Variants in EEA1 observed in about 807,000 individuals in gnomAD.
EEA1 encodes the protein early endosome antigen 1, 162kD.
Under a neutral mutation model 209.2 loss-of-function variants are expected in EEA1, and 111 were observed. That is an observed-to-expected ratio of 0.53 (90% CI 0.45 to 0.62). The LOEUF (loss-of-function observed/expected upper bound fraction) is 0.62, where lower values mean the gene tolerates loss of function less well. EEA1 is among the 20% of genes least tolerant of loss of function. The probability of loss-of-function intolerance (pLI) is 0.00; values close to 1 mark genes in which losing one functional copy is unlikely to be tolerated. For missense variants in EEA1, 1,343 were observed against 1,530.8 expected (o/e 0.88, Z 2.05); for synonymous variants, 536 against 540.6 (o/e 0.99, Z 0.12).
intron 17 of EEA1, among the ~76,000 whole-genome samples, chr12:92,810,689 T>C (rs2136674425): frequency 6.6e-6 from 1 of 152,164 alleles, no homozygotes; most frequent in South Asian, 2.1e-4. Flanking sequence ...CAAAGGCAGT[T>C]AAGCAGCAAG....
intron 21 of EEA1, among the ~76,000 whole-genome samples, chr12:92,788,443 T>G (rs1723061342): frequency 6.6e-6 from 1 of 152,114 alleles, no homozygotes; most frequent in African/African-American, 2.4e-5. Flanking sequence ...ATTACTTTGT[T>G]GAAGTATTAA....
intron 9 of EEA1, among the ~76,000 whole-genome samples, chr12:92,845,367 T>C (rs989436073): frequency 2.0e-4 from 30 of 152,276 alleles, no homozygotes; most frequent in African/African-American, 6.5e-4. Flanking sequence ...ATTATGTTTA[T>C]ATTTGGGGAA....
At chr12:92,824,306 T>C (rs893531842) in intron 13 of EEA1, among the ~76,000 whole-genome samples, 1 of 152,212 alleles carries the variant, frequency 6.6e-6, no homozygotes, top group Admixed American at 6.5e-5. Context: ...TGTAGTAGCC[T>C]TTTAGCTAAT....
intron 2 of EEA1, among the ~76,000 whole-genome samples, chr12:92,874,712 T>C (rs1878803426): frequency 6.6e-6 from 1 of 152,260 alleles, no homozygotes; most frequent in East Asian, 1.9e-4. Context: ...CACTTTACTC[T>C]TGTTTTTCAC....
intron 21 of EEA1, among the ~76,000 whole-genome samples, chr12:92,788,741 T>C (rs541206405): frequency 3.3e-5 from 5 of 152,328 alleles, no homozygotes; most frequent in Admixed American, 2.6e-4. Flanking sequence ...TCCAAAATCC[T>C]ATATTCTTAT....
Position 92,909,926 on chromosome 12 carries a change from G to A in EEA1, c.25-18205C>T, listed in dbSNP as rs192328925. ...GGGAGACCGAGAAGGGTAGATCACC[G>A]GAGGTCAGGAGTTTGAGACCAGCCT... On this transcript the variant is annotated intron_variant, in intron 1 of 28. Coordinates refer to ENST00000322349, the MANE Select transcript of EEA1 (RefSeq NM_003566.4). 1.4e-4 allele frequency among the ~76,000 whole-genome samples: 21 copies of A among 151,422 alleles called. No individual in the cohort carries two copies. In the East Asian group the frequency reaches 2.6e-3, roughly 18 times the overall value.
intron 21 of EEA1, among the ~76,000 whole-genome samples, chr12:92,788,890 C>T (rs1449723225): frequency 3.3e-5 from 5 of 152,120 alleles, no homozygotes; most frequent in African/African-American, 9.7e-5. Flanking sequence ...GTGATAACTT[C>T]TCAAAATCTT....
chr12:92,864,156 A>C (rs1453511869), intron 3 of EEA1, among the ~76,000 whole-genome samples: 1 of 152,162 alleles, frequency 6.6e-6, no homozygotes, highest in Non-Finnish European at 1.5e-5. Context: ...ATCAACCACA[A>C]AGTTTATATG....
chr12:92,917,630 T>C (rs1278360340), intron 1 of EEA1, among the ~76,000 whole-genome samples: 2 of 150,822 alleles, frequency 1.3e-5, no homozygotes, highest in Admixed American at 6.6e-5. Context: ...GTACCAGCCA[T>C]TGCAAAATCA....
At chr12:92,821,793 C>T (rs1032980313) in intron 13 of EEA1, among the ~76,000 whole-genome samples, 18 of 150,122 alleles carry the variant, frequency 1.2e-4, no homozygotes, top group Admixed American at 1.2e-3. Context: ...TCTTTATTTT[C>T]CAAAAATAAT....
At chr12:92,781,037 A>C (rs1052754266) in intron 23 of EEA1, among the ~76,000 whole-genome samples, 2 of 152,164 alleles carry the variant, frequency 1.3e-5, no homozygotes, top group African/African-American at 4.8e-5. Flanking sequence ...CGGTCTCCCG[A>C]GTAGGTGGGA....
chr12:92,781,947 T>G lies in EEA1; in HGVS notation c.3336+3A>C. ...GTAGATTTAGGTCAGAAACATGCAATACCTTTTCTTTCTGAATGTCTTGTA... is the reference window on the plus strand; with the variant it reads ...GTAGATTTAGGTCAGAAACATGCAAGACCTTTTCTTTCTGAATGTCTTGTA... On this transcript the variant is annotated splice_donor_region_variant and intron_variant, in intron 23 of 28. Transcript: ENST00000322349. 1 of 1,603,284 alleles carries G rather than the reference T, an allele frequency of 6.2e-7. No individual in the cohort carries two copies. The highest frequency in any genetic ancestry group is 8.5e-7 in the Non-Finnish European group (1 of 1,173,950).
chr12:92,857,535 C>T (rs114169104), intron 3 of EEA1, 50 bp from the exon 4 acceptor site: 67,864 of 1,230,522 alleles, frequency 0.055, 2,178 homozygotes, highest in Non-Finnish European at 0.062. Context: ...CTTTAATTAA[C>T]AAACTGGTCT....
At chr12:92,908,566 G>A (rs1386011315) in intron 1 of EEA1, among the ~76,000 whole-genome samples, 2 of 151,868 alleles carry the variant, frequency 1.3e-5, no homozygotes, top group Middle Eastern at 3.4e-3. Flanking sequence ...AGAATGCAGA[G>A]TTTCTACTAC....
intron 3 of EEA1, among the ~76,000 whole-genome samples, chr12:92,863,943 A>C (rs1174102290): frequency 8.5e-5 from 13 of 152,220 alleles, no homozygotes. Flanking sequence ...GAACATTTAT[A>C]ATATAATTTA....
At position 92,806,968 on chromosome 12, in the gene EEA1, C is replaced by T. The variant is rs138363322; in HGVS notation, c.2339+2049G>A. ...TTTTTTTTTTTTTGAGACGGAGTCT[C>T]GCTCTGTCGCCCAGGTTGGAGTGCA... On this transcript the variant is annotated intron_variant, in intron 18 of 28. Coordinates refer to ENST00000322349, the MANE Select transcript of EEA1 (RefSeq NM_003566.4). Among the ~76,000 whole-genome samples the T allele has an allele frequency of 5.8e-4, 87 of 149,290 alleles. No homozygotes were observed. The East Asian group carries it at 0.01, about 18-fold the overall frequency.
intron 1 of EEA1, among the ~76,000 whole-genome samples, chr12:92,898,959 A>G (rs1378018126): frequency 2.6e-5 from 4 of 151,296 alleles, no homozygotes; most frequent in African/African-American, 9.7e-5. Flanking sequence ...TGAGTGAAAA[A>G]AAAAAAAAAA....
At chr12:92,854,023 G>GT (rs1877754375) in intron 5 of EEA1, 69 bp from the exon 6 acceptor site, 2 of 1,234,034 alleles carry the variant, frequency 1.6e-6, no homozygotes, top group Non-Finnish European at 1.1e-6. Flanking sequence ...AATGGTCAAT[G>GT]TTAAAAAATC....
At chr12:92,837,549 A>G (rs531184414) in intron 10 of EEA1, among the ~76,000 whole-genome samples, 1 of 152,294 alleles carries the variant, frequency 6.6e-6, no homozygotes, top group Admixed American at 6.5e-5. Context: ...GACCTATATT[A>G]TATTGTAGTG....
Sources: gnomAD v4.1 joint callset for allele counts (sites outside exome capture counted in the v4.1 genomes callset) on GRCh38, gnomAD v4.1.1 for gene constraint, MANE v1.5 for transcripts, NCBI Gene and HGNC (gene_info 2026-07-23, HGNC 2026-07-21) for gene names.